Variants in CNTN6 observed in about 807,000 individuals in gnomAD.
The protein encoded by CNTN6 is contactin 6, also known as contactin-6.
A neutral mutation model predicts 122.8 loss-of-function variants in CNTN6; 137 were observed. The ratio of observed to expected loss-of-function variants is 1.12; its 90% confidence interval spans 0.97 to 1.29. The LOEUF is 1.29. CNTN6 is among the 50% of genes most tolerant of loss of function. The pLI is 0.00. For synonymous variants in CNTN6, 570 were observed against 426.0 expected (o/e 1.34, Z -4.16); for missense variants, 1,634 against 1,223.4 (o/e 1.34, Z -5.01).
At chr3:1,193,855 A>T (rs2093736519) in intron 2 of CNTN6, among the ~76,000 whole-genome samples, 1 of 152,168 alleles carries the variant, frequency 6.6e-6, no homozygotes, top group Non-Finnish European at 1.5e-5. Flanking sequence ...AAATACAGTG[A>T]TCTTAAGTGT....
intron 1 of CNTN6, 144 bp downstream of exon 1, chr3:1,093,264 G>A: frequency 5.8e-6 from 1 of 173,480 alleles, no homozygotes; most frequent in Non-Finnish European, 1.2e-5. Context: ...CTGCTTTATT[G>A]ATGCTGTGTT....
intron 7 of CNTN6, among the ~76,000 whole-genome samples, chr3:1,304,456 C>T (rs1697985905): frequency 6.6e-6 from 1 of 152,164 alleles, no homozygotes; most frequent in Non-Finnish European, 1.5e-5. Flanking sequence ...AAAACTCATG[C>T]TTATAACACT....
intron 2 of CNTN6, among the ~76,000 whole-genome samples, chr3:1,187,473 A>G (rs1031263962): frequency 1.4e-4 from 21 of 152,150 alleles, no homozygotes; most frequent in Non-Finnish European, 2.4e-4. Flanking sequence ...GTCAGGCTAC[A>G]AAGGCTTCAT....
chr3:1,265,171 T>G (rs374589606), intron 4 of CNTN6, among the ~76,000 whole-genome samples: 1 of 151,470 alleles, frequency 6.6e-6, no homozygotes, highest in African/African-American at 2.4e-5. Flanking sequence ...TTCACCAGAA[T>G]GCAGATATCT....
chr3:1,148,990 G>A (rs7616613), intron 2 of CNTN6, among the ~76,000 whole-genome samples: 19,827 of 152,152 alleles, frequency 0.13, 1,378 homozygotes, highest in Non-Finnish European at 0.15. Flanking sequence ...GCTTGGAACT[G>A]CTACATTGCC....
chr3:1,165,816 A>G (rs926106445), intron 2 of CNTN6, among the ~76,000 whole-genome samples: 1 of 152,186 alleles, frequency 6.6e-6, no homozygotes, highest in Admixed American at 6.5e-5. Flanking sequence ...TTTAGCACGG[A>G]CTGAATTTTA....
At chr3:1,255,735 C>T (rs972457023) in intron 4 of CNTN6, among the ~76,000 whole-genome samples, 2 of 152,060 alleles carry the variant, frequency 1.3e-5, no homozygotes, top group African/African-American at 4.8e-5. Context: ...TGCAGTGGCA[C>T]CATCACAACC....
At chr3:1,344,287 G>A (rs955666465) in intron 11 of CNTN6, among the ~76,000 whole-genome samples, 4 of 152,150 alleles carry the variant, frequency 2.6e-5, no homozygotes, top group African/African-American at 9.7e-5. Context: ...CTCACTTCAA[G>A]CCATAGTCAC....
At chr3:1,301,295 A>T (rs955796650) in intron 7 of CNTN6, among the ~76,000 whole-genome samples, 8 of 152,078 alleles carry the variant, frequency 5.3e-5, no homozygotes, top group Admixed American at 5.2e-4. Flanking sequence ...TTGGCCTCCC[A>T]AAGTGCTGGT....
At chr3:1,227,091 GT>G (rs1559550798) in intron 3 of CNTN6, among the ~76,000 whole-genome samples, 1 of 152,112 alleles carries the variant, frequency 6.6e-6, no homozygotes, top group African/African-American at 2.4e-5. Context: ...TCTAAAACTA[GT>G]TATGAATCTT....
intron 12 of CNTN6, among the ~76,000 whole-genome samples, chr3:1,368,821 T>C (rs1040421030): frequency 6.6e-6 from 1 of 152,196 alleles, no homozygotes; most frequent in African/African-American, 2.4e-5. Flanking sequence ...TTATAAGTTA[T>C]AAATTATTTT....
intron 7 of CNTN6, among the ~76,000 whole-genome samples, chr3:1,306,181 A>G (rs1330569542): frequency 6.6e-6 from 1 of 152,218 alleles, no homozygotes; most frequent in African/African-American, 2.4e-5. Context: ...GAGCAGATAG[A>G]GAACAGAATC....
intron 1 of CNTN6, among the ~76,000 whole-genome samples, chr3:1,121,891 A>G (rs890002306): frequency 6.6e-6 from 1 of 151,960 alleles, no homozygotes; most frequent in Non-Finnish European, 1.5e-5. Flanking sequence ...TTATATTTAG[A>G]ATATCAGCAT....
chr3:1,293,033 C>A (rs769762174), intron 5 of CNTN6, among the ~76,000 whole-genome samples: 1 of 152,094 alleles, frequency 6.6e-6, no homozygotes, highest in Admixed American at 6.6e-5. Context: ...TCACTTCATG[C>A]GCAAGTAGCA....
chr3:1,287,721 G>A (rs2125831489), intron 5 of CNTN6, among the ~76,000 whole-genome samples: 1 of 152,238 alleles, frequency 6.6e-6, no homozygotes, highest in East Asian at 1.9e-4. Flanking sequence ...CTCATTATAT[G>A]CTAATTATAA....
chr3:1,389,499 A>G (rs1324130416), intron 20 of CNTN6, among the ~76,000 whole-genome samples: 4 of 152,206 alleles, frequency 2.6e-5, no homozygotes, highest in Admixed American at 6.5e-5. Context: ...AAGAAACTGC[A>G]TCAACTAACG....
At chr3:1,327,424 A>G (rs1209958270) in intron 9 of CNTN6, 33 bp from the exon 10 acceptor site, 1 of 1,599,274 alleles carries the variant, frequency 6.3e-7, no homozygotes, top group Non-Finnish European at 8.6e-7. Context: ...ATATTAACGT[A>G]CAAGCATCTT....
At position 1,354,603 on chromosome 3, in the gene CNTN6, G is replaced by T. The variant is rs1358711791; in HGVS notation, c.1492+2152G>T. Reference sequence around the variant, plus strand: ...CTAGAACAGAAGCATAAAGAGGGCAGGGATTTTTGTTTTAATCAATGATGA... The same window carrying T: ...CTAGAACAGAAGCATAAAGAGGGCATGGATTTTTGTTTTAATCAATGATGA... On this transcript the variant is annotated intron_variant, in intron 12 of 22. Transcript: ENST00000446702. Among the ~76,000 whole-genome samples the T allele has an allele frequency of 2.6e-5, 4 of 151,356 alleles. No homozygotes were observed. In the Admixed American group the frequency reaches 2.6e-4, roughly 10 times the overall value.
intron 2 of CNTN6, among the ~76,000 whole-genome samples, chr3:1,176,782 G>C (rs1407360646): frequency 6.6e-6 from 1 of 152,170 alleles, no homozygotes; most frequent in Non-Finnish European, 1.5e-5. Context: ...TTCATAGATA[G>C]ATGTTTAGCT....
Sources: allele counts gnomAD v4.1 joint callset (sites outside exome capture counted in the v4.1 genomes callset), GRCh38; gene constraint gnomAD v4.1.1; transcripts MANE v1.5; gene names NCBI Gene and HGNC (gene_info 2026-07-23, HGNC 2026-07-21).